SORBS2: variants seen among roughly 807,000 people sequenced by gnomAD.
SORBS2 encodes sorbin and SH3 domain-containing protein 2.
Under a neutral mutation model 97.7 loss-of-function variants are expected in SORBS2, and 46 were observed. The ratio of observed to expected loss-of-function variants is 0.47; its 90% CI spans 0.37 to 0.60. The LOEUF (loss-of-function observed/expected upper bound fraction) is 0.60, where lower values mean the gene tolerates loss of function less well. Ranked by LOEUF, SORBS2 falls within the 20% of genes least tolerant of loss-of-function variation. SORBS2 has a pLI of 0.00. For missense variants in SORBS2, 1,316 were observed against 1,282.3 expected, an observed-to-expected ratio of 1.03 and a Z score of -0.40; for synonymous variants, 476 against 473.4, an observed-to-expected ratio of 1.01 and a Z score of -0.07.
At chr4:185,908,296 T>TAAATATATTTGTATACACACAA (rs2099252465) in intron 1 of SORBS2, among the ~76,000 whole-genome samples, 1 of 81,292 alleles carries the variant, frequency 1.2e-5, no homozygotes, top group Non-Finnish European at 2.6e-5. Context: ...TATATATATA[T>TAAATATATTTGTATACACACAA]ATATATATAT....
At chr4:185,696,661 C>T (rs897203759) in intron 2 of SORBS2, among the ~76,000 whole-genome samples, 4 of 152,072 alleles carry the variant, frequency 2.6e-5, no homozygotes, top group African/African-American at 7.2e-5. Flanking sequence ...AGGCTGGTCT[C>T]GAACTCCTGA....
chr4:185,924,006 A>G (rs1013160719), intron 1 of SORBS2, among the ~76,000 whole-genome samples: 1 of 152,228 alleles, frequency 6.6e-6, no homozygotes, highest in East Asian at 1.9e-4. Context: ...ATGAAAGCAG[A>G]TATCTGTCTC....
At chr4:185,705,077 T>C (rs1158242329) in intron 2 of SORBS2, among the ~76,000 whole-genome samples, 4 of 152,230 alleles carry the variant, frequency 2.6e-5, no homozygotes, top group African/African-American at 9.6e-5. Context: ...CATGTGCCCA[T>C]GCACAGGCAC....
At chr4:185,738,980 A>C (rs915230160) in intron 2 of SORBS2, among the ~76,000 whole-genome samples, 3 of 152,186 alleles carry the variant, frequency 2.0e-5, no homozygotes, top group Admixed American at 2.0e-4. Context: ...AGTTAGCTGG[A>C]GTTAGAAGGT....
chr4:185,645,091 TA>T (rs1336965595), intron 4 of SORBS2, among the ~76,000 whole-genome samples: 1 of 152,174 alleles, frequency 6.6e-6, no homozygotes, highest in Non-Finnish European at 1.5e-5. Context: ...GACTAAATAA[TA>T]GAAACATCGT....
chr4:185,815,481 G>GT (rs1279328715), intron 1 of SORBS2, among the ~76,000 whole-genome samples: 7 of 152,136 alleles, frequency 4.6e-5, no homozygotes, highest in Non-Finnish European at 8.8e-5. Flanking sequence ...AATACAGAAT[G>GT]TGTGTGAAAA....
intron 2 of SORBS2, among the ~76,000 whole-genome samples, chr4:185,710,470 C>CT (rs1024447501): frequency 2.0e-5 from 3 of 152,226 alleles, no homozygotes; most frequent in Non-Finnish European, 4.4e-5. Context: ...TCTCAATCGA[C>CT]TGTGTCTGAG....
chr4:185,854,659 GT>G (rs1291559711), intron 1 of SORBS2, among the ~76,000 whole-genome samples: 2 of 152,288 alleles, frequency 1.3e-5, no homozygotes, highest in African/African-American at 4.8e-5. Context: ...TGCATTTGAA[GT>G]TAAGAGATTC....
At chr4:185,948,937 T>C (rs1232665191) in intron 1 of SORBS2, among the ~76,000 whole-genome samples, 1 of 152,134 alleles carries the variant, frequency 6.6e-6, no homozygotes, top group Non-Finnish European at 1.5e-5. Flanking sequence ...ATAAAATGTT[T>C]AAAACACCTA....
At chr4:185,761,773 C>A (rs1404076408) in intron 2 of SORBS2, among the ~76,000 whole-genome samples, 1 of 152,216 alleles carries the variant, frequency 6.6e-6, no homozygotes. Flanking sequence ...GTGAGCCACA[C>A]CCTTTCCTTA....
chr4:185,903,273 G>T (rs2149837515), intron 1 of SORBS2, among the ~76,000 whole-genome samples: 1 of 152,244 alleles, frequency 6.6e-6, no homozygotes, highest in South Asian at 2.1e-4. Flanking sequence ...AAAAATCTTG[G>T]GCTCTTTAAG....
chr4:185,763,288 G>GT (rs2153612664), intron 2 of SORBS2, among the ~76,000 whole-genome samples: 1 of 152,240 alleles, frequency 6.6e-6, no homozygotes, highest in East Asian at 1.9e-4. Context: ...CATGTGAAAG[G>GT]TGTCCTCCCT....
intron 4 of SORBS2, among the ~76,000 whole-genome samples, chr4:185,665,209 C>T (rs150639798): frequency 6.6e-6 from 1 of 152,256 alleles, no homozygotes; most frequent in African/African-American, 2.4e-5. Flanking sequence ...ACATCATTCA[C>T]TCCTGGACAA....
rs1416420377 is a variant in SORBS2 at position 185,623,837 on chromosome 4, C to T, written c.1292G>A (p.Gly431Glu). The change falls in exon 7 of 15, where the codon GGG (glycine) becomes GAG (glutamate). Residue 431 changes from glycine to glutamate, a missense_variant. Transcript: ENST00000418609. This position sits in a 1 kb window ranked among gnomAD's most constrained non-coding sequence, Gnocchi z 6.4. ...GGTTACGGGAGACAGCATGTCATCCCCTAAATTTGGCATGGATTTGGACTT... is the reference window on the plus strand; with the variant it reads ...GGTTACGGGAGACAGCATGTCATCCTCTAAATTTGGCATGGATTTGGACTT... The T allele has an allele frequency of 1.2e-6, 2 of 1,614,024 alleles. No homozygotes were observed. The highest frequency in any genetic ancestry group is 1.3e-5 in the African/African-American group (1 of 74,904).
At position 185,910,433 on chromosome 4, in the gene SORBS2, T is replaced by C. The variant is rs138369180; in HGVS notation, c.-338+45763A>G. 7.1e-3 allele frequency among the ~76,000 whole-genome samples: 1,087 copies of C among 152,334 alleles called. 8 individuals carry two copies. The highest frequency in any genetic ancestry group is 9.4e-3 in the Non-Finnish European group (637 of 68,036). ...CCATTTCCATCAATACTCCCAACTC[T>C]GGAGACTTTCTCCCCATTCCTCTCC... On this transcript the variant is annotated intron_variant, in intron 1 of 20. Transcript: ENST00000284776.
intron 1 of SORBS2, among the ~76,000 whole-genome samples, chr4:185,801,368 G>C (rs940624501): frequency 6.6e-6 from 1 of 152,148 alleles, no homozygotes. Flanking sequence ...TGGTAGTTCT[G>C]GTTGTAATTT....
chr4:185,608,535 T>C (rs919343605), intron 12 of SORBS2, among the ~76,000 whole-genome samples: 1 of 152,202 alleles, frequency 6.6e-6, no homozygotes, highest in Non-Finnish European at 1.5e-5. Flanking sequence ...ATACGTAGTA[T>C]TACTGATGTA....
intron 1 of SORBS2, among the ~76,000 whole-genome samples, chr4:185,810,187 T>G (rs1388512821): frequency 1.3e-5 from 2 of 152,246 alleles, no homozygotes; most frequent in African/African-American, 2.4e-5. Context: ...CGTTTGCACA[T>G]GTTTGGCTCC....
chr4:185,618,709 G>A lies in SORBS2; in HGVS notation c.2305-78C>T. Reference sequence around the variant, plus strand: ...AGAAAGTAGTTTAATGTGCCTTAAAGAAAAAGGAAACCTCAGGGAATCATC... The same window carrying A: ...AGAAAGTAGTTTAATGTGCCTTAAAAAAAAAGGAAACCTCAGGGAATCATC... On this transcript the variant is annotated intron_variant, in intron 8 of 14. Transcript: ENST00000418609. The A allele has an allele frequency of 3.6e-6, 3 of 836,298 alleles. No individual in the cohort carries two copies. The South Asian group carries it at 6.9e-5, about 19-fold the overall frequency. The allele number at this position is 836,298 out of a possible 1,614,324, so 51.8% of individuals were successfully genotyped here. A position where few individuals can be genotyped will look rare whatever the true frequency, so the allele number is the denominator to read the frequency against.
Sources: gnomAD v4.1 joint callset for allele counts (sites outside exome capture counted in the v4.1 genomes callset) on GRCh38, gnomAD v4.1.1 for gene constraint, Gnocchi (gnomAD v3.1) non-coding constraint, MANE v1.5 for transcripts, NCBI Gene and HGNC (gene_info 2026-07-23, HGNC 2026-07-21) for gene names.